KLRG1: variants seen among roughly 807,000 people sequenced by gnomAD.
KLRG1 encodes the protein killer cell lectin like receptor G1, also known as killer cell lectin-like receptor subfamily G member 1.
KLRG1 carries 16 observed loss-of-function variants against 21.8 expected under a neutral mutation model. That is an observed-to-expected ratio of 0.73 (90% CI 0.50 to 1.11). The LOEUF is 1.11. KLRG1 is among the 50% of genes most tolerant of loss of function. The pLI is 0.00. For synonymous variants in KLRG1, 69 were observed against 75.9 expected, an observed-to-expected ratio of 0.91 and a Z score of 0.47; for missense variants, 173 against 218.3, an observed-to-expected ratio of 0.79 and a Z score of 1.31.
chr12:9,085,069 T>G, the KLRG1 span, among the ~76,000 whole-genome samples: 1 of 152,120 alleles, frequency 6.6e-6, no homozygotes, highest in South Asian at 2.1e-4. Context: ...TATGTTGCAA[T>G]GCAGTAATAT....
the KLRG1 span, among the ~76,000 whole-genome samples, chr12:9,073,938 A>C: frequency 5.9e-5 from 9 of 152,236 alleles, no homozygotes; most frequent in African/African-American, 2.2e-4. Context: ...AAATACAAAA[A>C]TTAGCCAGGC....
chr12:9,192,784 T>A, the KLRG1 span: 1 of 1,369,870 alleles, frequency 7.3e-7, no homozygotes, highest in South Asian at 1.2e-5. Flanking sequence ...CTTGAAATTC[T>A]TCACCTTAGC....
the KLRG1 span, among the ~76,000 whole-genome samples, chr12:9,209,984 T>C: frequency 1.3e-5 from 2 of 152,174 alleles, no homozygotes; most frequent in African/African-American, 4.8e-5. Flanking sequence ...GAATTTTGGA[T>C]TCTTCATAGT....
chr12:9,072,596 CAGAG>C, the KLRG1 span: 20 of 1,601,882 alleles, frequency 1.2e-5, no homozygotes, highest in South Asian at 2.0e-4. Context: ...TAGGACTTCT[CAGAG>C]AGAACAGCTG....
At chr12:9,129,806 C>T in the KLRG1 span, among the ~76,000 whole-genome samples, 13 of 152,194 alleles carry the variant, frequency 8.5e-5, no homozygotes, top group African/African-American at 3.1e-4. Context: ...CGTCGGCCTC[C>T]CAAAATGCTG....
upstream of KLRG1, among the ~76,000 whole-genome samples, chr12:8,985,591 C>T (rs760424273): frequency 3.9e-5 from 6 of 152,188 alleles, no homozygotes; most frequent in Non-Finnish European, 8.8e-5. Context: ...TCCACAACTT[C>T]CCCTTTGAGT....
chr12:9,089,117 AGTGTAG>A, the KLRG1 span: 1 of 1,087,782 alleles, frequency 9.2e-7, no homozygotes, highest in Non-Finnish European at 1.3e-6. Flanking sequence ...TCACAGAGAA[AGTGTAG>A]GAATAATATA....
chr12:9,112,590 C>T, the KLRG1 span: 1 of 1,599,684 alleles, frequency 6.3e-7, no homozygotes, highest in Non-Finnish European at 8.5e-7. Context: ...GGTCTCCTCC[C>T]CTATTTGCTG....
chr12:9,054,903 G>A, the KLRG1 span, among the ~76,000 whole-genome samples: 1 of 152,200 alleles, frequency 6.6e-6, no homozygotes, highest in Non-Finnish European at 1.5e-5. Flanking sequence ...TGGGTTTCCA[G>A]TTTTTGGATT....
the KLRG1 span, chr12:9,090,489 C>G: frequency 9.9e-6 from 16 of 1,613,272 alleles, no homozygotes; most frequent in Admixed American, 1.7e-4. Flanking sequence ...TGACCTGAAA[C>G]CACACATAAG....
chr12:9,212,817 A>G, the KLRG1 span, among the ~76,000 whole-genome samples: 6 of 152,254 alleles, frequency 3.9e-5, no homozygotes, highest in Admixed American at 3.3e-4. Context: ...CCATTACATA[A>G]CATTTATTAC....
chr12:9,163,401 C>T, the KLRG1 span, among the ~76,000 whole-genome samples: 9 of 151,166 alleles, frequency 6.0e-5, no homozygotes, highest in East Asian at 3.9e-4. Flanking sequence ...TTCAGTGAGC[C>T]GAGATCGCAA....
the KLRG1 span, among the ~76,000 whole-genome samples, chr12:9,194,833 T>C: frequency 6.6e-6 from 1 of 152,096 alleles, no homozygotes. Flanking sequence ...ATAAAAGAAA[T>C]GAATTTAAAC....
chr12:9,063,908 A>G, the KLRG1 span, among the ~76,000 whole-genome samples: 1 of 152,240 alleles, frequency 6.6e-6, no homozygotes, highest in Non-Finnish European at 1.5e-5. Flanking sequence ...ATGATTTGCA[A>G]CAAGCATATC....
chr12:9,155,712 C>T, the KLRG1 span, among the ~76,000 whole-genome samples: 4 of 152,076 alleles, frequency 2.6e-5, no homozygotes, highest in African/African-American at 4.8e-5. Context: ...ACCTCTATGA[C>T]ATTTTTTCCT....
At chr12:8,985,212 G>T (rs1946823684), upstream of KLRG1, among the ~76,000 whole-genome samples, 2 of 150,828 alleles carry the variant, frequency 1.3e-5, no homozygotes, top group African/African-American at 2.4e-5. Context: ...TAAGAGTATT[G>T]GTCAGATATT....
At chr12:9,165,928 C>G in the KLRG1 span, 1 of 1,218,586 alleles carries the variant, frequency 8.2e-7, no homozygotes, top group Non-Finnish European at 1.1e-6. Flanking sequence ...TTAGGTCTAT[C>G]CTAAAGAGGA....
chr12:9,017,223 C>T, the KLRG1 span, among the ~76,000 whole-genome samples: 6 of 122,436 alleles, frequency 4.9e-5, no homozygotes, highest in East Asian at 1.6e-3. Flanking sequence ...GAGATCATGC[C>T]ATTGCACTCC....
chr12:9,009,971 C>A lies in KLRG1; in HGVS notation c.*434C>A. 1 of 1,531,690 alleles carries A rather than the reference C, an allele frequency of 6.5e-7. No individual in the cohort carries two copies. The highest frequency in any genetic ancestry group is 8.7e-7 in the Non-Finnish European group (1 of 1,143,560). The allele number at this position is 1,531,690 out of a possible 1,614,324, so 94.9% of individuals were successfully genotyped here. ...CTGTACTCCTCTGTACATTACTGATCCCTGATGGTATATTTCTATCCTAAC... is the reference window on the plus strand; with the variant it reads ...CTGTACTCCTCTGTACATTACTGATACCTGATGGTATATTTCTATCCTAAC... On this transcript the variant is annotated 3_prime_UTR_variant, in exon 5 of 5. Coordinates refer to ENST00000356986, the MANE Select transcript of KLRG1 (RefSeq NM_005810.4).
Sources: allele counts gnomAD v4.1 joint callset (sites outside exome capture counted in the v4.1 genomes callset), GRCh38; gene constraint gnomAD v4.1.1; transcripts MANE v1.5; gene names NCBI Gene and HGNC (gene_info 2026-07-23, HGNC 2026-07-21).